Variants in TASP1 observed in about 807,000 individuals in gnomAD.
The protein encoded by TASP1 is taspase 1, also known as threonine aspartase 1.
Under a neutral mutation model 56.6 loss-of-function variants are expected in TASP1, and 16 were observed. The observed-to-expected ratio is 0.28, with a 90% confidence interval of 0.19 to 0.43. The LOEUF (loss-of-function observed/expected upper bound fraction) is 0.43, where lower values mean the gene tolerates loss of function less well. Ranked by LOEUF, TASP1 falls within the 20% of genes least tolerant of loss-of-function variation. The pLI, the probability that TASP1 is intolerant of heterozygous loss-of-function variation, is 1.00. For synonymous variants in TASP1, 179 were observed against 184.2 expected (o/e 0.97, Z 0.23); for missense variants, 393 against 511.6 (o/e 0.77, Z 2.24).
chr20:13,260,652 T>C, the TASP1 span, among the ~76,000 whole-genome samples: 1 of 150,302 alleles, frequency 6.7e-6, no homozygotes, highest in African/African-American at 2.4e-5. Flanking sequence ...AGAACAAGTG[T>C]CTCTTTAGGA....
At chr20:13,142,080 T>A in the TASP1 span, among the ~76,000 whole-genome samples, 3 of 152,256 alleles carry the variant, frequency 2.0e-5, no homozygotes, top group Non-Finnish European at 4.4e-5. Context: ...CAGAACCTTC[T>A]GCCCCTTCAT....
At chr20:13,326,156 T>C in the TASP1 span, among the ~76,000 whole-genome samples, 1 of 152,226 alleles carries the variant, frequency 6.6e-6, no homozygotes, top group African/African-American at 2.4e-5. Context: ...TTATTCTTTT[T>C]TATTGCTGAG....
intron 11 of TASP1, among the ~76,000 whole-genome samples, chr20:13,436,609 C>A (rs2146201104): frequency 6.6e-6 from 1 of 152,114 alleles, no homozygotes; most frequent in South Asian, 2.1e-4. Flanking sequence ...CAGGGTTAGC[C>A]CAGGGCAGGA....
At chr20:13,445,763 C>T (rs2043388418) in intron 11 of TASP1, among the ~76,000 whole-genome samples, 1 of 152,112 alleles carries the variant, frequency 6.6e-6, no homozygotes, top group Admixed American at 6.6e-5. Flanking sequence ...CCTCCATCTC[C>T]AGGAGTATCA....
intron 1 of TASP1, among the ~76,000 whole-genome samples, chr20:13,634,914 G>T (rs1489610356): frequency 6.6e-6 from 1 of 152,044 alleles, no homozygotes; most frequent in African/African-American, 2.4e-5. Flanking sequence ...TGTAATCCCA[G>T]CTACTCGGAA....
At chr20:13,448,631 T>TA (rs1473788502) in intron 11 of TASP1, among the ~76,000 whole-genome samples, 1 of 152,198 alleles carries the variant, frequency 6.6e-6, no homozygotes, top group Non-Finnish European at 1.5e-5. Context: ...TAAAATAAAA[T>TA]ACGCAAGTAG....
At chr20:13,515,793 T>TA (rs2044506483) in intron 10 of TASP1, among the ~76,000 whole-genome samples, 2 of 152,196 alleles carry the variant, frequency 1.3e-5, no homozygotes, top group South Asian at 4.1e-4. Context: ...ACATACTAAG[T>TA]ACCTTCAAAA....
At chr20:13,152,981 C>T in the TASP1 span, among the ~76,000 whole-genome samples, 51 of 152,316 alleles carry the variant, frequency 3.3e-4, no homozygotes, top group African/African-American at 7.2e-5. Flanking sequence ...CTGACCAGTT[C>T]GTCTGAACAT....
chr20:13,334,334 T>A, the TASP1 span, among the ~76,000 whole-genome samples: 1 of 152,242 alleles, frequency 6.6e-6, no homozygotes, highest in Non-Finnish European at 1.5e-5. Flanking sequence ...GCACCTGAAT[T>A]ACACTTTAAT....
At chr20:13,161,623 G>A in the TASP1 span, among the ~76,000 whole-genome samples, 2 of 152,130 alleles carry the variant, frequency 1.3e-5, no homozygotes, top group African/African-American at 4.8e-5. Context: ...GTTTCAAGAA[G>A]GAGGAGGGTC....
At chr20:13,148,626 G>A in the TASP1 span, among the ~76,000 whole-genome samples, 1 of 152,166 alleles carries the variant, frequency 6.6e-6, no homozygotes, top group South Asian at 2.1e-4. Context: ...GCTCAGCCAG[G>A]CTGCAATCAG....
intron 4 of TASP1, among the ~76,000 whole-genome samples, chr20:13,605,258 G>T (rs1298197638): frequency 6.6e-6 from 1 of 151,910 alleles, no homozygotes; most frequent in Non-Finnish European, 1.5e-5. Flanking sequence ...TGTACTGGTG[G>T]TTACACAATT....
At chr20:13,402,996 A>T (rs1170988544) in intron 13 of TASP1, among the ~76,000 whole-genome samples, 2 of 152,214 alleles carry the variant, frequency 1.3e-5, no homozygotes, top group African/African-American at 4.8e-5. Context: ...CTGAAGGCAC[A>T]CCTTAGGTTT....
At chr20:13,322,135 A>C in the TASP1 span, among the ~76,000 whole-genome samples, 6 of 152,200 alleles carry the variant, frequency 3.9e-5, no homozygotes, top group Admixed American at 1.3e-4. Context: ...TAATGTCGTA[A>C]AGAGATTCTC....
intron 11 of TASP1, among the ~76,000 whole-genome samples, chr20:13,438,798 C>A (rs373998190): frequency 0.01 from 1,573 of 152,176 alleles, 12 homozygotes; most frequent in Non-Finnish European, 0.016. Context: ...TGAACTCAAA[C>A]AAATTTACAA....
the TASP1 span, among the ~76,000 whole-genome samples, chr20:13,284,280 G>A: frequency 5.3e-5 from 8 of 152,192 alleles, no homozygotes; most frequent in Admixed American, 1.3e-4. Context: ...CCCACAGGAC[G>A]CTAGTGCCCT....
the TASP1 span, among the ~76,000 whole-genome samples, chr20:13,197,013 G>T: frequency 6.6e-6 from 1 of 152,144 alleles, no homozygotes; most frequent in Non-Finnish European, 1.5e-5. Flanking sequence ...ATAGATGAAG[G>T]AATAAAGGAA....
chr20:13,451,070 T>A (rs1040047332), intron 11 of TASP1, among the ~76,000 whole-genome samples: 1 of 152,094 alleles, frequency 6.6e-6, no homozygotes, highest in Non-Finnish European at 1.5e-5. Flanking sequence ...TGCATTGTCA[T>A]AGAACAAAAC....
intron 11 of TASP1, among the ~76,000 whole-genome samples, chr20:13,459,952 T>C (rs149393633): frequency 4.1e-4 from 62 of 152,270 alleles, no homozygotes; most frequent in African/African-American, 1.4e-3. Context: ...TAGAAAAACA[T>C]ACACATTTGT....
Sources: gnomAD v4.1 joint callset for allele counts (sites outside exome capture counted in the v4.1 genomes callset) on GRCh38, gnomAD v4.1.1 for gene constraint, MANE v1.5 for transcripts, NCBI Gene and HGNC (gene_info 2026-07-23, HGNC 2026-07-21) for gene names.